The following TMOD2 variants were observed in gnomAD, a reference collection of about 807,000 sequenced individuals.
The protein encoded by TMOD2 is tropomodulin-2.
TMOD2 carries 22 observed loss-of-function variants against 39.9 expected under a neutral mutation model. The observed-to-expected ratio is 0.55, with a 90% CI of 0.39 to 0.79. The LOEUF is 0.79. Among genes scored for constraint, TMOD2 ranks in the 30% least tolerant of loss-of-function variants. TMOD2 has a pLI of 0.00. For missense variants in TMOD2, 386 were observed against 413.3 expected (o/e 0.93, Z 0.57); for synonymous variants, 123 against 146.1 (o/e 0.84, Z 1.14).
At chr15:51,798,532 T>C (rs1344375644) in intron 8 of TMOD2, among the ~76,000 whole-genome samples, 192 bp downstream of exon 8, 1 of 152,162 alleles carries the variant, frequency 6.6e-6, no homozygotes, top group African/African-American at 2.4e-5. Flanking sequence ...AATCAAACAA[T>C]GTACAGTGGG....
intron 9 of TMOD2, 141 bp downstream of exon 9, chr15:51,806,662 A>C (rs1320355756): frequency 5.6e-6 from 5 of 899,288 alleles, no homozygotes; most frequent in Non-Finnish European, 8.4e-6. Context: ...CATTATTATA[A>C]TACATGGTCA....
chr15:51,794,532 T>C lies in TMOD2; in HGVS notation c.733-3665T>C, dbSNP rs74015774. Among the ~76,000 whole-genome samples the C allele has an allele frequency of 2.7e-3, 405 of 152,118 alleles. 2 individuals carry two copies. Among genetic ancestry groups the C allele is most frequent in the African/African-American group, 9.2e-3 (382 of 41,490 alleles). ...GAGTTCGAGACCAGCCTGGGCAACA[T>C]AGAGAGACCTGTTTCTACACCAAAA... On this transcript the variant is annotated intron_variant, in intron 7 of 9. Coordinates refer to ENST00000249700, the MANE Select transcript of TMOD2 (RefSeq NM_014548.4).
intron 3 of TMOD2, 30 bp downstream of exon 3, chr15:51,768,448 C>T (rs1202139790): frequency 1.3e-6 from 2 of 1,557,486 alleles, no homozygotes; most frequent in African/African-American, 1.5e-5. Flanking sequence ...CATCTTGGAA[C>T]AGAGGTTCTC....
At chr15:51,759,992 C>T (rs1192931040) in intron 1 of TMOD2, among the ~76,000 whole-genome samples, 1 of 152,148 alleles carries the variant, frequency 6.6e-6, no homozygotes, top group Admixed American at 6.5e-5. Flanking sequence ...TGCTAGTGCC[C>T]CCTGTGGGCC....
intron 7 of TMOD2, chr15:51,783,989 T>A (rs1291040760): frequency 2.0e-5 from 3 of 152,238 alleles, no homozygotes; most frequent in Non-Finnish European, 4.4e-5. Flanking sequence ...CCAGCACTGA[T>A]CTTCGTGCTT....
intron 4 of TMOD2, among the ~76,000 whole-genome samples, chr15:51,774,772 T>A (rs749568449): frequency 3.9e-5 from 6 of 152,088 alleles, no homozygotes; most frequent in Non-Finnish European, 8.8e-5. Context: ...TGTGGAGGGA[T>A]CCTGTTATGG....
At chr15:51,779,114 C>T (rs960914168) in intron 5 of TMOD2, among the ~76,000 whole-genome samples, 3 of 152,132 alleles carry the variant, frequency 2.0e-5, no homozygotes, top group African/African-American at 7.2e-5. Flanking sequence ...TGCCACCACA[C>T]TCAGTTAATT....
intron 3 of TMOD2, among the ~76,000 whole-genome samples, chr15:51,771,554 C>T (rs193115795): frequency 1.4e-4 from 22 of 152,318 alleles, no homozygotes; most frequent in Non-Finnish European, 2.5e-4. Flanking sequence ...AATCCCAGCA[C>T]TTTGGGAGGC....
At chr15:51,781,803 G>GAGA (rs1567240939) in intron 6 of TMOD2, among the ~76,000 whole-genome samples, 61 of 149,450 alleles carry the variant, frequency 4.1e-4, no homozygotes, top group Non-Finnish European at 7.1e-4. Flanking sequence ...GGAAAGAGTA[G>GAGA]GAGAGAGAGA....
Position 51,809,520 on chromosome 15 carries a change from A to G in TMOD2, c.*1066A>G, listed in dbSNP as rs2056142370. 1.3e-5 allele frequency: 2 copies of G among 152,400 alleles called. No individual in the cohort carries two copies. Among genetic ancestry groups the G allele is most frequent in the Admixed American group, 6.5e-5 (1 of 15,302 alleles). The allele number at this position is 152,400 out of a possible 1,614,324, so 9.4% of individuals were successfully genotyped here. A position where few individuals can be genotyped will look rare whatever the true frequency, so the allele number is the denominator to read the frequency against. ...ATTTATCCAGATGCATGTCATCTCA[A>G]GGACAAAGCCTGTGAAAGTACAAGT... On this transcript the variant is annotated 3_prime_UTR_variant, in exon 10 of 10. Transcript: ENST00000249700.
chr15:51,801,890 G>A lies in TMOD2; in HGVS notation c.876+3550G>A, dbSNP rs538580847. On this transcript the variant is annotated intron_variant, in intron 8 of 9. Coordinates refer to ENST00000249700, the MANE Select transcript of TMOD2 (RefSeq NM_014548.4). The stretch of plus-strand genomic sequence containing the variant: ...GAGAATCCCTTGAGCCCAGGAGTTC[G>A]AGTCCAGCCTGGGCAACATAGCAAG... Among the ~76,000 whole-genome samples, 4 of 151,680 alleles carry A rather than the reference G, an allele frequency of 2.6e-5. No individual in the cohort carries two copies. The South Asian group carries it at 8.3e-4, about 32-fold the overall frequency.
intron 1 of TMOD2, among the ~76,000 whole-genome samples, chr15:51,753,529 A>C (rs1159680576): frequency 2.0e-5 from 3 of 152,182 alleles, no homozygotes; most frequent in African/African-American, 7.2e-5. Context: ...GGATGTGTGA[A>C]CTTTGAATCC....
chr15:51,796,504 A>G (rs2056052391), intron 7 of TMOD2, among the ~76,000 whole-genome samples: 1 of 152,060 alleles, frequency 6.6e-6, no homozygotes, highest in Non-Finnish European at 1.5e-5. Context: ...GCACCTTTCA[A>G]TGTATAGTAG....
intron 1 of TMOD2, among the ~76,000 whole-genome samples, chr15:51,759,591 T>A (rs2055765163): frequency 6.6e-6 from 1 of 152,160 alleles, no homozygotes; most frequent in South Asian, 2.1e-4. Context: ...TGTTGCTGGA[T>A]TGAGCAATCT....
At chr15:51,803,170 T>TC (rs2056100975) in intron 8 of TMOD2, among the ~76,000 whole-genome samples, 1 of 108,710 alleles carries the variant, frequency 9.2e-6, no homozygotes, top group South Asian at 3.0e-4. Flanking sequence ...TATATCTTCT[T>TC]TTTTTTTTTT....
intron 7 of TMOD2, among the ~76,000 whole-genome samples, chr15:51,792,543 T>C (rs1410082008): frequency 1.3e-5 from 2 of 152,214 alleles, no homozygotes; most frequent in Admixed American, 1.3e-4. Context: ...TAAATCATTC[T>C]ACTATAAAGA....
chr15:51,779,271 G>A (rs971022143), intron 5 of TMOD2, among the ~76,000 whole-genome samples: 51 of 152,226 alleles, frequency 3.4e-4, no homozygotes, highest in Admixed American at 2.9e-3. Context: ...TTAACAATCT[G>A]GTGCATAACC....
chr15:51,788,244 G>A (rs1239395719), intron 7 of TMOD2, among the ~76,000 whole-genome samples: 9 of 152,134 alleles, frequency 5.9e-5, no homozygotes, highest in Non-Finnish European at 8.8e-5. Context: ...TTCAATAGCC[G>A]ATTTGATCAA....
intron 7 of TMOD2, among the ~76,000 whole-genome samples, chr15:51,795,068 A>G (rs1006531255): frequency 6.6e-6 from 1 of 152,116 alleles, no homozygotes; most frequent in Non-Finnish European, 1.5e-5. Context: ...TCCTTGCTAG[A>G]AATTTTTAGT....
Sources: gnomAD v4.1 joint callset for allele counts (sites outside exome capture counted in the v4.1 genomes callset) on GRCh38, gnomAD v4.1.1 for gene constraint, MANE v1.5 for transcripts, NCBI Gene and HGNC (gene_info 2026-07-23, HGNC 2026-07-21) for gene names.